Variants in CDC42BPG observed in about 807,000 individuals in gnomAD.
CDC42BPG encodes CDC42 binding protein kinase gamma.
A neutral mutation model predicts 192.2 loss-of-function variants in CDC42BPG; 157 were observed. The observed-to-expected ratio is 0.82, with a 90% CI of 0.72 to 0.93. The LOEUF (loss-of-function observed/expected upper bound fraction) is 0.93. Ranked by LOEUF, CDC42BPG falls within the 40% of genes least tolerant of loss-of-function variation. CDC42BPG has a pLI of 0.00. For synonymous variants in CDC42BPG, 981 were observed against 918.5 expected (o/e 1.07, Z -1.23); for missense variants, 1,992 against 2,122.1 (o/e 0.94, Z 1.20).
In CDC42BPG at chr11:64,834,981, C is replaced by G; in HGVS notation, c.2061-18G>C. 1 of 1,613,622 alleles carries G rather than the reference C, an allele frequency of 6.2e-7. No individual in the cohort carries two copies. The highest frequency in any genetic ancestry group is 2.2e-5 in the East Asian group (1 of 44,868). On this transcript the variant is annotated intron_variant, in intron 17 of 36. Coordinates refer to ENST00000342711, the MANE Select transcript of CDC42BPG (RefSeq NM_017525.3). ...CATTCACCCTGAATGGGAAGGGGCT[C>G]AGGGTCATGGGCTGGGCCCTCAGTC...
In CDC42BPG at chr11:64,836,195, C is replaced by T. The variant is rs1277632220; in HGVS notation, c.1590G>A (p.Gln530=). The change falls in exon 13 of 37, where the codon CAG becomes CAA. Residue 530 remains glutamine (Q), a synonymous_variant. Coordinates refer to ENST00000342711, the MANE Select transcript of CDC42BPG (RefSeq NM_017525.3). Reference sequence around the variant, plus strand: ...GGCTAGCTGTGGCCGCCTCTCTCTCCTGGGCCTCCTGTAGCCTCTGAAGCA... The same window carrying T: ...GGCTAGCTGTGGCCGCCTCTCTCTCTTGGGCCTCCTGTAGCCTCTGAAGCA... ...EELLQRLQEA[Q]EREAATASQT... 1.3e-6 allele frequency: 2 copies of T among 1,597,502 alleles called. No homozygotes were observed. Among genetic ancestry groups the T allele is most frequent in the South Asian group, 1.1e-5 (1 of 88,846 alleles).
At chr11:64,840,683 G>A (rs897494173) in intron 3 of CDC42BPG, 35 bp from the exon 4 acceptor site, 29 of 1,593,752 alleles carry the variant, frequency 1.8e-5, no homozygotes, top group Non-Finnish European at 2.4e-5. Flanking sequence ...GGGTGGGGTG[G>A]GATCAGAGCC....
rs776309492 is a variant in CDC42BPG at position 64,827,771 on chromosome 11, G to A, written c.3980C>T (p.Pro1327Leu). The change falls in exon 31 of 37, where the codon CCC (proline) becomes CTC (leucine). Residue 1327 changes from proline (P) to leucine (L), a missense_variant. Coordinates refer to ENST00000342711, the MANE Select transcript of CDC42BPG (RefSeq NM_017525.3). ...GTTCTCGCTGAACACTGTCAGGTAG[G>A]GGGCCGCATACCCTGCGGGCACGCC... ...AAPMGWGYAAPYLTVFSENSI... is the reference protein window; with the variant it reads ...AAPMGWGYAALYLTVFSENSI... 1.2e-6 allele frequency: 2 copies of A among 1,610,454 alleles called. No individual in the cohort carries two copies. Among genetic ancestry groups the A allele is most frequent in the African/African-American group, 2.7e-5 (2 of 74,838 alleles).
At chr11:64,830,292 TC>T in intron 28 of CDC42BPG, 36 bp from the exon 29 acceptor site, 1 of 1,542,286 alleles carries the variant, frequency 6.5e-7, no homozygotes, top group Admixed American at 1.8e-5. Context: ...AGGTCAGCAG[TC>T]CCACTCAATG....
rs751589066 is a variant in CDC42BPG at position 64,835,406 on chromosome 11, CCTT to C, written c.1891_1893del (p.Lys631del). On this transcript the variant is annotated inframe_deletion, in exon 16 of 37. Coordinates refer to ENST00000342711, the MANE Select transcript of CDC42BPG (RefSeq NM_017525.3). ...TCCTGCAGCTGGCACAGAGCCTCCT[CCTT>C]ACCACTCGGCCTGGGGAGGAGAAGG... 6.8e-6 allele frequency: 11 copies of C among 1,613,694 alleles called. No homozygotes were observed. In the African/African-American group the frequency reaches 1.1e-4, roughly 16 times the overall value.
chr11:64,832,849 T>C lies in CDC42BPG; in HGVS notation c.2842A>G (p.Thr948Ala). The change falls in exon 25 of 37, where the codon ACT (threonine) becomes GCT (alanine). Residue 948 changes from threonine (T) to alanine (A), a missense_variant. Physicochemically the swap from Thr to Ala is moderately conservative, Grantham distance 58. Around this residue, in one of 2 missense-constraint regions of CDC42BPG, gnomAD observed 1,656 missense variants for 1,844.3 expected, o/e 0.90. Transcript: ENST00000342711. ...LGVHPETGTG[T>A]AYEGFLSVPR... ...ACCGACAGAAAGCCCTCATAGGCAG[T>C]GCCTGTGCCTGTTTCGGGGTGTACT... is the stretch of plus-strand genomic sequence containing the variant. 1 of 1,576,946 alleles carries C rather than the reference T, an allele frequency of 6.3e-7. No individual in the cohort carries two copies. The highest frequency in any genetic ancestry group is 8.6e-7 in the Non-Finnish European group (1 of 1,161,614).
rs190522907 is a variant in CDC42BPG at position 64,824,335 on chromosome 11, C to T, written c.*138G>A. The stretch of plus-strand genomic sequence containing the variant: ...AAGTCCTGGGAACCCAGGCAAGTCT[C>T]CCAGTCATTGCCCAGCCCGGGTCCT... On this transcript the variant is annotated 3_prime_UTR_variant, in exon 37 of 37. Transcript: ENST00000342711. The T allele has an allele frequency of 4.5e-3, 3,394 of 760,204 alleles. 79 individuals are homozygous for T. Among genetic ancestry groups the T allele is most frequent in the South Asian group, 0.035 (2,464 of 70,654 alleles). The allele number at this position is 760,204 out of a possible 1,614,324, so 47.1% of individuals were successfully genotyped here. A position where few individuals can be genotyped will look rare whatever the true frequency, so the allele number is the denominator to read the frequency against.
chr11:64,839,010 A>G, intron 7 of CDC42BPG, 23 bp downstream of exon 7: 1 of 1,613,008 alleles, frequency 6.2e-7, no homozygotes. Context: ...CCCCTCTGGA[A>G]GCCCAGAGCC....
intron 19 of CDC42BPG, 24 bp downstream of exon 19, chr11:64,834,405 C>G: frequency 3.8e-6 from 6 of 1,561,510 alleles, no homozygotes; most frequent in Non-Finnish European, 5.2e-6. Context: ...GGCCCTGGCC[C>G]CCAGTGCCTG....
At chr11:64,836,705 C>CGGGG in intron 11 of CDC42BPG, 34 bp downstream of exon 11, 3 of 352,544 alleles carry the variant, frequency 8.5e-6, no homozygotes, top group South Asian at 3.3e-5. Flanking sequence ...GGACTCAGCC[C>CGGGG]TGGGGGGGGG....
rs764378872 is a variant in CDC42BPG, at chr11:64,836,315, G to C, written c.1489-19C>G. ...CCAGCTCCTGAGGAGGCAGGGGAGG[G>C]AGCGGGGAAGGACAAGGCCCAGAGT... On this transcript the variant is annotated intron_variant, in intron 12 of 36. Coordinates refer to ENST00000342711, the MANE Select transcript of CDC42BPG (RefSeq NM_017525.3). The C allele has an allele frequency of 2.1e-5, 34 of 1,608,168 alleles. No individual in the cohort carries two copies. Among genetic ancestry groups the C allele is most frequent in the Non-Finnish European group, 2.9e-5 (34 of 1,177,962 alleles).
chr11:64,827,613 T>C lies in CDC42BPG; in HGVS notation c.4066-2A>G. 1 of 1,607,118 alleles carries C rather than the reference T, an allele frequency of 6.2e-7. No individual in the cohort carries two copies. The highest frequency in any genetic ancestry group is 8.5e-7 in the Non-Finnish European group (1 of 1,174,998). ...GCCCTCTGGATTGAGGGGCCGCACC[T>C]GAGGCAGCAGGCACAGCGGTCAGGC... On this transcript the variant is annotated splice_acceptor_variant, in intron 31 of 36. Coordinates refer to ENST00000342711, the MANE Select transcript of CDC42BPG (RefSeq NM_017525.3). LOFTEE classifies it high-confidence loss of function.
chr11:64,829,618 C>A lies in CDC42BPG; in HGVS notation c.3820G>T (p.Gly1274Trp). Residue 1274 changes from glycine (G) to tryptophan (W), a missense_variant, in exon 30 of 37, where the codon GGG becomes TGG. Coordinates refer to ENST00000342711, the MANE Select transcript of CDC42BPG (RefSeq NM_017525.3). ...LVPEELPPSR[G>W]GLGEALGAVE... is the part of the protein sequence containing the mutation. ...GCACCCAGTGCCTCACCCAGGCCCCCGCGGGATGGTGGCAGCTCCTCAGGC... is the reference window on the plus strand; with the variant it reads ...GCACCCAGTGCCTCACCCAGGCCCCAGCGGGATGGTGGCAGCTCCTCAGGC... The A allele has an allele frequency of 6.2e-7, 1 of 1,611,568 alleles. No homozygotes were observed. The highest frequency in any genetic ancestry group is 2.2e-5 in the East Asian group (1 of 44,788).
intron 20 of CDC42BPG, 124 bp from the exon 21 acceptor site, chr11:64,834,101 C>T (rs1942850406): frequency 6.8e-7 from 1 of 1,462,352 alleles, no homozygotes; most frequent in South Asian, 1.2e-5. Flanking sequence ...GGGCTGGGCA[C>T]AGCAGGCACT....
chr11:64,833,389 C>A, intron 23 of CDC42BPG, 53 bp from the exon 24 acceptor site: 2 of 1,075,460 alleles, frequency 1.9e-6, no homozygotes, highest in Non-Finnish European at 2.7e-6. Flanking sequence ...CATGCCCCAT[C>A]CCTGAGGGGT....
intron 18 of CDC42BPG, 104 bp from the exon 19 acceptor site, chr11:64,834,681 C>A: frequency 7.0e-7 from 1 of 1,425,788 alleles, no homozygotes; most frequent in South Asian, 1.4e-5. Flanking sequence ...CAGCCAGGCT[C>A]AAAGCTCCAG....
In CDC42BPG at chr11:64,833,659, C is replaced by A; in HGVS notation, c.2566G>T (p.Ala856Ser). ...PEGRRSLRMG[A>S]VFPRAPTANT... ...GCAGTGGGTGCTCTGGGGAACACAG[C>A]CTGCAGGAGGGCGGGGGAGCAGGTG... is the stretch of plus-strand genomic sequence containing the variant. Residue 856 changes from alanine (A) to serine (S), a missense_variant and splice_region_variant, in exon 23 of 37, where the codon GCT becomes TCT. Ala to Ser is a moderately conservative substitution (Grantham distance 99). Around this residue, in one of 2 missense-constraint regions of CDC42BPG, gnomAD observed 1,656 missense variants for 1,844.3 expected, o/e 0.90. Transcript: ENST00000342711. 1 of 1,612,300 alleles carries A rather than the reference C, an allele frequency of 6.2e-7. No individual in the cohort carries two copies. The highest frequency in any genetic ancestry group is 1.1e-5 in the South Asian group (1 of 90,848).
Position 64,834,481 on chromosome 11 carries a change from C to T in CDC42BPG, c.2272G>A (p.Gly758Ser), listed in dbSNP as rs1235414060. ...ACCTGTGTCAGCCGCTCCTGCAGGC[C>T]CTGCTTGGCGCGGATCTCGGCCTCC... Reference protein sequence around the residue: ...ALEAEIRAKQGLQERLTQVQE... With the variant: ...ALEAEIRAKQSLQERLTQVQE... Residue 758 changes from glycine to serine, a missense_variant, in exon 19 of 37, where the codon GGC becomes AGC. This residue lies in a region of CDC42BPG where 1,656 missense variants were observed against 1,844.3 expected (regional missense o/e 0.90). Transcript: ENST00000342711. 1 of 1,572,696 alleles carries T rather than the reference C, an allele frequency of 6.4e-7. No individual in the cohort carries two copies. The highest frequency in any genetic ancestry group is 8.6e-7 in the Non-Finnish European group (1 of 1,159,710).
chr11:64,831,475 T>G, intron 28 of CDC42BPG, 30 bp downstream of exon 28: 1 of 1,585,388 alleles, frequency 6.3e-7, no homozygotes, highest in Non-Finnish European at 8.6e-7. Context: ...AGGCCTGAAC[T>G]GCTTCCTCCA....
Sources: gnomAD v4.1 joint callset for allele counts on GRCh38, gnomAD v4.1.1 for gene constraint, gnomAD v4.1.1 regional missense constraint, MANE v1.5 for transcripts, NCBI Gene and HGNC (gene_info 2026-07-23, HGNC 2026-07-21) for gene names.